The following NR2F1-AS1 variants were observed in gnomAD, a reference collection of about 807,000 sequenced individuals.
NR2F1-AS1 encodes the protein NR2F1 antisense RNA 1.
chr5:93,436,985 C>A (rs867237622), intron 4 of NR2F1-AS1, among the ~76,000 whole-genome samples: 2,670 of 130,676 alleles, frequency 0.02, 33 homozygotes, highest in Non-Finnish European at 0.031. Flanking sequence ...TCATTATCTC[C>A]AAAAAAAAAA....
intron 4 of NR2F1-AS1, among the ~76,000 whole-genome samples, chr5:93,533,217 C>A (rs1284198461): frequency 6.6e-6 from 1 of 152,076 alleles, no homozygotes; most frequent in Non-Finnish European, 1.5e-5. Flanking sequence ...TTAATGAGTA[C>A]AAATGTGGCC....
At chr5:93,426,806 C>T (rs1362265517) in intron 4 of NR2F1-AS1, among the ~76,000 whole-genome samples, 1 of 152,110 alleles carries the variant, frequency 6.6e-6, no homozygotes, top group Non-Finnish European at 1.5e-5. Context: ...TAAACAACTT[C>T]GCAGTTTTAC....
intron 4 of NR2F1-AS1, among the ~76,000 whole-genome samples, chr5:93,519,005 T>C (rs1412612089): frequency 6.6e-6 from 1 of 152,068 alleles, no homozygotes; most frequent in African/African-American, 2.4e-5. Flanking sequence ...TACACTTAAG[T>C]GGCCTCTTTC....
chr5:93,468,864 T>C (rs1442294476), intron 4 of NR2F1-AS1, among the ~76,000 whole-genome samples: 3 of 147,248 alleles, frequency 2.0e-5, no homozygotes, highest in East Asian at 1.9e-4. Flanking sequence ...TTTCTACATA[T>C]GGCTAGCCAG....
intron 4 of NR2F1-AS1, among the ~76,000 whole-genome samples, chr5:93,545,950 G>A (rs1278147702): frequency 6.6e-6 from 1 of 152,186 alleles, no homozygotes; most frequent in African/African-American, 2.4e-5. Flanking sequence ...AGGGATCCAG[G>A]AGCCTTGCTA....
intron 4 of NR2F1-AS1, among the ~76,000 whole-genome samples, chr5:93,480,275 A>C (rs1270954252): frequency 6.6e-6 from 1 of 152,194 alleles, no homozygotes; most frequent in Non-Finnish European, 1.5e-5. Flanking sequence ...GCAAGAGAGA[A>C]GGGATTTATC....
At chr5:93,565,224 T>C (rs1752591188) in intron 1 of NR2F1-AS1, among the ~76,000 whole-genome samples, 1 of 152,084 alleles carries the variant, frequency 6.6e-6, no homozygotes, top group African/African-American at 2.4e-5. Context: ...TTGTTTCATA[T>C]GGAACACAAG....
chr5:93,575,895 A>G (rs1406419002), intron 1 of NR2F1-AS1, among the ~76,000 whole-genome samples: 1 of 152,196 alleles, frequency 6.6e-6, no homozygotes, highest in Non-Finnish European at 1.5e-5. Context: ...CCCCCCATGT[A>G]TGGGAAATAT....
At chr5:93,476,012 T>G (rs1392064555) in intron 4 of NR2F1-AS1, among the ~76,000 whole-genome samples, 2 of 152,218 alleles carry the variant, frequency 1.3e-5, no homozygotes, top group African/African-American at 4.8e-5. Flanking sequence ...GCTATTTTTA[T>G]GTTGTGCCAA....
chr5:93,539,284 A>T (rs577473874), intron 4 of NR2F1-AS1, among the ~76,000 whole-genome samples: 2 of 152,300 alleles, frequency 1.3e-5, no homozygotes, highest in African/African-American at 4.8e-5. Flanking sequence ...TATCAAAAAA[A>T]TATATATACA....
chr5:93,487,549 C>T (rs1472190960), intron 4 of NR2F1-AS1, among the ~76,000 whole-genome samples: 1 of 152,078 alleles, frequency 6.6e-6, no homozygotes, highest in African/African-American at 2.4e-5. Context: ...ATGTAAAGGA[C>T]CTCTTCAAGG....
At chr5:93,553,723 A>G (rs1752284487) in intron 4 of NR2F1-AS1, 1 of 152,204 alleles carries the variant, frequency 6.6e-6, no homozygotes, top group South Asian at 2.1e-4. Flanking sequence ...AAATAACATT[A>G]ACATGATCCT....
At chr5:93,443,777 A>C (rs1386119519) in intron 4 of NR2F1-AS1, among the ~76,000 whole-genome samples, 1 of 152,218 alleles carries the variant, frequency 6.6e-6, no homozygotes, top group Non-Finnish European at 1.5e-5. Flanking sequence ...AATGAAGGAA[A>C]AAATATTAAG....
intron 1 of NR2F1-AS1, among the ~76,000 whole-genome samples, chr5:93,567,872 T>C (rs867350060): frequency 4.6e-5 from 7 of 152,310 alleles, no homozygotes; most frequent in Non-Finnish European, 7.4e-5. Flanking sequence ...CAATAGGAGA[T>C]GAACGTTTTT....
chr5:93,428,390 T>C lies in NR2F1-AS1; in HGVS notation n.639-32848A>G, dbSNP rs1413909134. ...TAATATAAACCTTCCATAAATAATG[T>C]TCACAGCAGTCACAAAGTTTAAAAT... On this transcript the variant is annotated intron_variant and non_coding_transcript_variant, in intron 4 of 5. Transcript: ENST00000660523. Among the ~76,000 whole-genome samples the C allele has an allele frequency of 1.4e-4, 21 of 152,190 alleles. 1 individual carries two copies. Among genetic ancestry groups the C allele is most frequent in the Admixed American group, 1.4e-3 (21 of 15,266 alleles).
At position 93,424,242 on chromosome 5, in the gene NR2F1-AS1, A is replaced by G. The variant is rs529853101; in HGVS notation, n.639-28700T>C. On this transcript the variant is annotated intron_variant and non_coding_transcript_variant, in intron 4 of 5. Coordinates refer to ENST00000660523, the Ensembl canonical transcript of NR2F1-AS1. ...AATAATAAAGCCCAGACCCACGTCC[A>G]AATGCCTAGCACACCTGTTTTCAAA... 1.7e-4 allele frequency among the ~76,000 whole-genome samples: 26 copies of G among 152,174 alleles called. No homozygotes were observed. The East Asian group carries it at 4.8e-3, about 28-fold the overall frequency.
chr5:93,556,575 A>G (rs1274671365), intron 2 of NR2F1-AS1, among the ~76,000 whole-genome samples: 1 of 152,196 alleles, frequency 6.6e-6, no homozygotes, highest in East Asian at 1.9e-4. Context: ...TCAAGACAAA[A>G]TCATTAGGGT....
intron 4 of NR2F1-AS1, among the ~76,000 whole-genome samples, chr5:93,534,377 T>C (rs1751796897): frequency 6.6e-6 from 1 of 152,202 alleles, no homozygotes; most frequent in Non-Finnish European, 1.5e-5. Context: ...CTTACTATAA[T>C]GAGTCTTTTT....
chr5:93,459,132 A>G (rs1750030209), intron 4 of NR2F1-AS1, among the ~76,000 whole-genome samples: 1 of 152,196 alleles, frequency 6.6e-6, no homozygotes, highest in Non-Finnish European at 1.5e-5. Context: ...CTTACAACTC[A>G]AAAATAAGAC....
Sources: allele counts gnomAD v4.1 joint callset (sites outside exome capture counted in the v4.1 genomes callset), GRCh38; gene constraint gnomAD v4.1.1; transcripts MANE v1.5; gene names NCBI Gene and HGNC (gene_info 2026-07-23, HGNC 2026-07-21).